C4orf51: variants seen among roughly 807,000 people sequenced by gnomAD.
C4orf51 encodes the protein uncharacterized protein C4orf51.
Under a neutral mutation model 25.2 loss-of-function variants are expected in C4orf51, and 25 were observed. The observed-to-expected ratio is 0.99, with a 90% CI of 0.72 to 1.39. C4orf51 has a LOEUF of 1.39. Ranked by LOEUF, C4orf51 falls within the 40% of genes most tolerant of loss-of-function variation. C4orf51 has a pLI of 0.00. For missense variants in C4orf51, 252 were observed against 239.6 expected, an observed-to-expected ratio of 1.05 and a Z score of -0.34; for synonymous variants, 100 against 84.5, an observed-to-expected ratio of 1.18 and a Z score of -1.01.
At position 145,718,476 on chromosome 4, in the gene C4orf51, C is replaced by T. The variant is rs542421041; in HGVS notation, c.308-8435C>T. ...TGCCCATTTTTAACATCCTTTCTCA[C>T]CTACTCTTTCAATCCCACTTTTATT... On this transcript the variant is annotated intron_variant, in intron 2 of 5. Transcript: ENST00000438731. Among the ~76,000 whole-genome samples, 17 of 152,352 alleles carry T rather than the reference C, an allele frequency of 1.1e-4. No individual in the cohort carries two copies. In the South Asian group the frequency reaches 1.9e-3, roughly 17 times the overall value.
At chr4:145,682,317 T>G (rs1356243053) in intron 1 of C4orf51, among the ~76,000 whole-genome samples, 1 of 152,228 alleles carries the variant, frequency 6.6e-6, no homozygotes, top group African/African-American at 2.4e-5. Context: ...TTGAGCTCAT[T>G]TTGAAAGTAC....
At chr4:145,734,498 C>A (rs543959294), downstream of C4orf51, among the ~76,000 whole-genome samples, 70 of 152,244 alleles carry the variant, frequency 4.6e-4, no homozygotes, top group African/African-American at 1.6e-3. Context: ...TCATTAGTGG[C>A]ACATCCTGAA....
At chr4:145,692,173 T>C (rs1360203999) in intron 1 of C4orf51, among the ~76,000 whole-genome samples, 1 of 152,196 alleles carries the variant, frequency 6.6e-6, no homozygotes, top group East Asian at 1.9e-4. Flanking sequence ...AAGCAAAATG[T>C]AGAATAAGTA....
chr4:145,682,827 T>A (rs549948409), intron 1 of C4orf51, among the ~76,000 whole-genome samples: 1 of 152,122 alleles, frequency 6.6e-6, no homozygotes, highest in Non-Finnish European at 1.5e-5. Context: ...AAGGGAAGGG[T>A]CACATTTTGG....
intron 3 of C4orf51, among the ~76,000 whole-genome samples, chr4:145,727,924 A>ATAT (rs1560851188): frequency 1.1e-5 from 1 of 93,664 alleles, no homozygotes. Flanking sequence ...TATATATATA[A>ATAT]AATATATTAT....
Position 145,768,320 on chromosome 4 carries a change from A to C in C4orf51, n.167-2668A>C, listed in dbSNP as rs948648559. Among the ~76,000 whole-genome samples, 40 of 152,052 alleles carry C rather than the reference A, an allele frequency of 2.6e-4. 1 individual carries two copies. Among genetic ancestry groups the C allele is most frequent in the African/African-American group, 9.4e-4 (39 of 41,378 alleles). ...GCTGGGATTACAGGTGTGTGCCATC[A>C]TGCCTGGCTAATTTTTGTATTTTCA... On this transcript the variant is annotated intron_variant and non_coding_transcript_variant, in intron 1 of 1. Coordinates refer to the C4orf51 transcript ENST00000510096.
chr4:145,754,643 G>A (rs1733843194), downstream of C4orf51, among the ~76,000 whole-genome samples: 1 of 152,180 alleles, frequency 6.6e-6, no homozygotes, highest in African/African-American at 2.4e-5. Flanking sequence ...ACCAGACAAG[G>A]AAAACTTTAA....
chr4:145,701,617 G>A (rs527934077), intron 2 of C4orf51, among the ~76,000 whole-genome samples: 41 of 151,454 alleles, frequency 2.7e-4, no homozygotes, highest in Middle Eastern at 6.8e-3. Flanking sequence ...GCCGAGCTTC[G>A]GGTAACTCTC....
downstream of C4orf51, among the ~76,000 whole-genome samples, chr4:145,772,801 A>C (rs1244948458): frequency 6.6e-6 from 1 of 152,242 alleles, no homozygotes; most frequent in Non-Finnish European, 1.5e-5. Flanking sequence ...TGTACTAACA[A>C]ACAAGAATAT....
At chr4:145,757,861 G>A (rs773706902), downstream of C4orf51, 2 of 152,038 alleles carry the variant, frequency 1.3e-5, no homozygotes, top group Admixed American at 1.3e-4. Flanking sequence ...AAGGATAGAA[G>A]AAAGAAAGTG....
At chr4:145,696,372 T>C (rs1459236711) in intron 1 of C4orf51, among the ~76,000 whole-genome samples, 187 bp from the exon 2 acceptor site, 5 of 152,132 alleles carry the variant, frequency 3.3e-5, no homozygotes, top group Non-Finnish European at 5.9e-5. Flanking sequence ...ACCTGGGTGA[T>C]GAAGTAATCT....
chr4:145,683,050 C>G (rs1728931675), intron 1 of C4orf51, among the ~76,000 whole-genome samples: 1 of 151,644 alleles, frequency 6.6e-6, no homozygotes, highest in Admixed American at 6.6e-5. Flanking sequence ...GCTATTATAG[C>G]AAGATTGCAG....
At chr4:145,774,711 G>A (rs753621557), downstream of C4orf51, 1 of 1,597,024 alleles carries the variant, frequency 6.3e-7, no homozygotes, top group South Asian at 1.1e-5. Flanking sequence ...GGAGAGAAAA[G>A]GGTGACACAT....
At chr4:145,755,563 C>T (rs1423648672), downstream of C4orf51, among the ~76,000 whole-genome samples, 1 of 152,074 alleles carries the variant, frequency 6.6e-6, no homozygotes. Context: ...GATTCAACTA[C>T]AAAGAAAGAA....
the C4orf51 span, among the ~76,000 whole-genome samples, chr4:145,781,212 A>AG: frequency 3.9e-5 from 5 of 127,142 alleles, no homozygotes; most frequent in African/African-American, 6.4e-5. Flanking sequence ...AAAAAAAAAA[A>AG]AAAAAGAAAA....
At chr4:145,751,733 T>G (rs1043989070) in intron 1 of C4orf51, among the ~76,000 whole-genome samples, 1 of 152,126 alleles carries the variant, frequency 6.6e-6, no homozygotes, top group African/African-American at 2.4e-5. Context: ...GGTCAGTGAG[T>G]TCCCCCAGGA....
chr4:145,704,140 G>T lies in C4orf51; in HGVS notation c.307+7508G>T, dbSNP rs958495367. Among the ~76,000 whole-genome samples the T allele has an allele frequency of 2.0e-5, 3 of 152,196 alleles. No homozygotes were observed. In the East Asian group the frequency reaches 5.8e-4, roughly 29 times the overall value. ...AAATGAGGAGTCTTGGCTGGCAAAG[G>T]TGGCTTTTTTATGTAGATGAAGCCT... On this transcript the variant is annotated intron_variant, in intron 2 of 5. Coordinates refer to ENST00000438731, the MANE Select transcript of C4orf51 (RefSeq NM_001080531.3).
chr4:145,775,497 G>C (rs1736919848), downstream of C4orf51, among the ~76,000 whole-genome samples: 5 of 151,770 alleles, frequency 3.3e-5, no homozygotes, highest in South Asian at 8.3e-4. Context: ...CTTCTGAGCT[G>C]AACAGACCTA....
At chr4:145,701,627 C>G (rs1387184681) in intron 2 of C4orf51, among the ~76,000 whole-genome samples, 2 of 151,656 alleles carry the variant, frequency 1.3e-5, no homozygotes, top group Non-Finnish European at 2.9e-5. Flanking sequence ...GGGTAACTCT[C>G]ACAGTGGAAG....
Sources: allele counts gnomAD v4.1 joint callset (sites outside exome capture counted in the v4.1 genomes callset), GRCh38; gene constraint gnomAD v4.1.1; transcripts MANE v1.5; gene names NCBI Gene and HGNC (gene_info 2026-07-23, HGNC 2026-07-21).